The following RND3 variants were observed in gnomAD, a reference collection of about 807,000 sequenced individuals.
RND3 encodes the protein Rho family GTPase 3.
A neutral mutation model predicts 26.5 loss-of-function variants in RND3; 8 were observed. That is an observed-to-expected ratio of 0.30 (90% CI 0.18 to 0.54). The LOEUF is 0.54. Ranked by LOEUF, RND3 falls within the 20% of genes least tolerant of loss-of-function variation. RND3 has a pLI of 0.94. For synonymous variants in RND3, 113 were observed against 113.0 expected (o/e 1.00, Z 0.00); for missense variants, 207 against 302.8 (o/e 0.68, Z 2.35).
Position 150,487,464 on chromosome 2 carries a change from GAAAAAAA to G in RND3, c.-38-16_-38-10del, listed in dbSNP as rs71422244. On this transcript the variant is annotated splice_polypyrimidine_tract_variant and intron_variant, in intron 1 of 5. Coordinates refer to ENST00000263895, the MANE Select transcript of RND3 (RefSeq NM_005168.5). ...TGGAACAGGAATTTTCTCTTAAGAA[GAAAAAAA>G]AAAATATATATATATATATATATTT... is the stretch of plus-strand genomic sequence containing the variant. The G allele has an allele frequency of 3.5e-6, 1 of 288,036 alleles. No individual in the cohort carries two copies. The allele number at this position is 288,036 out of a possible 1,614,324, so 17.8% of individuals were successfully genotyped here.
chr2:150,469,902 G>T lies in RND3; in HGVS notation c.*85C>A. 3 of 1,499,924 alleles carry T rather than the reference G, an allele frequency of 2.0e-6. No homozygotes were observed. Among genetic ancestry groups the T allele is most frequent in the Non-Finnish European group, 1.8e-6 (2 of 1,096,062 alleles). The allele number at this position is 1,499,924 out of a possible 1,614,324, so 92.9% of individuals were successfully genotyped here. A position where few individuals can be genotyped will look rare whatever the true frequency, so the allele number is the denominator to read the frequency against. On this transcript the variant is annotated 3_prime_UTR_variant, in exon 6 of 6. Coordinates refer to ENST00000263895, the MANE Select transcript of RND3 (RefSeq NM_005168.5). ...GCCTCTGGTATACATGACTTTGGCTGTGCACTTCATTTAGACTTCACCTTT... is the reference window on the plus strand; with the variant it reads ...GCCTCTGGTATACATGACTTTGGCTTTGCACTTCATTTAGACTTCACCTTT...
At chr2:150,485,835 G>A (rs565160276) in intron 3 of RND3, among the ~76,000 whole-genome samples, 44 of 152,284 alleles carry the variant, frequency 2.9e-4, no homozygotes, top group Non-Finnish European at 4.4e-4. Context: ...AGGTGGGTGG[G>A]CGCATGGGAA....
At position 150,468,243 on chromosome 2, in the gene RND3, G is replaced by A. The variant is rs1282796906; in HGVS notation, c.*1744C>T. ...TTTTATTTGAAGAAAAAAAAAGTAT[G>A]TTTTAATAAATACTGCGGAAACATT... On this transcript the variant is annotated 3_prime_UTR_variant, in exon 6 of 6. Coordinates refer to ENST00000263895, the MANE Select transcript of RND3 (RefSeq NM_005168.5). The A allele has an allele frequency of 1.3e-5, 2 of 152,484 alleles. No homozygotes were observed. Among genetic ancestry groups the A allele is most frequent in the Middle Eastern group, 3.4e-3 (1 of 292 alleles). 9.4% of individuals were successfully genotyped at this position (152,484 alleles called of 1,614,324 possible). A position where few individuals can be genotyped will look rare whatever the true frequency, so the allele number is the denominator to read the frequency against.
chr2:150,485,739 CT>C (rs1387917901), intron 3 of RND3, among the ~76,000 whole-genome samples: 2 of 152,162 alleles, frequency 1.3e-5, no homozygotes, highest in Non-Finnish European at 2.9e-5. Context: ...GGCCTTTGAC[CT>C]GGCCTAAACC....
rs75547451 is a variant in RND3 at position 150,477,388 on chromosome 2, G to A, written c.239-2404C>T. ...TCCAAATAAAAAAATTAGGAAAAGC[G>A]ATTGAAGAAATACAAAGAGGATAAA... On this transcript the variant is annotated intron_variant, in intron 3 of 5. Coordinates refer to ENST00000263895, the MANE Select transcript of RND3 (RefSeq NM_005168.5). Among the ~76,000 whole-genome samples, 942 of 152,294 alleles carry A rather than the reference G, an allele frequency of 6.2e-3. 8 individuals are homozygous for A. The highest frequency in any genetic ancestry group is 0.021 in the African/African-American group (892 of 41,562).
rs761073403 is a variant in RND3, at chr2:150,487,409, C to T, written c.9G>A (p.Glu3=). MK[E]RRASQKLSSK... is the part of the protein sequence containing the mutation. ...TGGATAATTTCTGGCTGGCTCTTCTCTCCTTCATTGATGTTGCCTTATTTT... is the reference window on the plus strand; with the variant it reads ...TGGATAATTTCTGGCTGGCTCTTCTTTCCTTCATTGATGTTGCCTTATTTT... Residue 3 remains glutamate, a synonymous_variant, in exon 2 of 6, where the codon GAG becomes GAA. Transcript: ENST00000263895. 5.3e-6 allele frequency: 8 copies of T among 1,507,546 alleles called. No individual in the cohort carries two copies. The highest frequency in any genetic ancestry group is 1.8e-4 in the Middle Eastern group (1 of 5,634). 93.4% of individuals were successfully genotyped at this position (1,507,546 alleles called of 1,614,324 possible). A position where few individuals can be genotyped will look rare whatever the true frequency, so the allele number is the denominator to read the frequency against.
At chr2:150,472,475 A>G (rs1398461309) in intron 4 of RND3, among the ~76,000 whole-genome samples, 1 of 152,188 alleles carries the variant, frequency 6.6e-6, no homozygotes, top group Non-Finnish European at 1.5e-5. Context: ...TCATGATCTA[A>G]CAAGAATTAT....
chr2:150,471,020 G>A (rs1016110531), intron 5 of RND3, among the ~76,000 whole-genome samples: 32 of 152,172 alleles, frequency 2.1e-4, no homozygotes, highest in African/African-American at 7.2e-4. Flanking sequence ...TACCACCAAC[G>A]TACACAACAA....
At chr2:150,471,261 T>A (rs568456064) in intron 5 of RND3, among the ~76,000 whole-genome samples, 1 of 152,328 alleles carries the variant, frequency 6.6e-6, no homozygotes, top group African/African-American at 2.4e-5. Flanking sequence ...AAATGAAGAC[T>A]CTCTGAAAGA....
At position 150,487,461 on chromosome 2, in the gene RND3, G is replaced by GAAAA. The variant is rs773798679; in HGVS notation, c.-38-7_-38-6insTTTT. The GAAAA allele has an allele frequency of 1.7e-6, 1 of 596,488 alleles. No homozygotes were observed. Among genetic ancestry groups the GAAAA allele is most frequent in the Non-Finnish European group, 2.2e-6 (1 of 445,938 alleles). 36.9% of individuals were successfully genotyped at this position (596,488 alleles called of 1,614,324 possible). ...TCTTGGAACAGGAATTTTCTCTTAAGAAGAAAAAAAAAAATATATATATAT... is the reference window on the plus strand; with the variant it reads ...TCTTGGAACAGGAATTTTCTCTTAAGAAAAAAGAAAAAAAAAAATATATATATAT... On this transcript the variant is annotated splice_region_variant and splice_polypyrimidine_tract_variant and intron_variant, in intron 1 of 5. Transcript: ENST00000263895.
intron 3 of RND3, among the ~76,000 whole-genome samples, chr2:150,475,530 C>G (rs1686149520): frequency 6.6e-6 from 1 of 152,154 alleles, no homozygotes; most frequent in Non-Finnish European, 1.5e-5. Context: ...ATAAACTGAA[C>G]TACTTCTTGG....
chr2:150,471,154 C>G (rs1483916215), intron 5 of RND3, among the ~76,000 whole-genome samples: 4 of 152,104 alleles, frequency 2.6e-5, no homozygotes, highest in African/African-American at 9.7e-5. Context: ...TTTGGTATTT[C>G]AACATGAACT....
chr2:150,478,135 C>T (rs1277895783), intron 3 of RND3, among the ~76,000 whole-genome samples: 1 of 151,636 alleles, frequency 6.6e-6, no homozygotes, highest in South Asian at 2.1e-4. Flanking sequence ...ATAGAATTAT[C>T]AAGAACTGTC....
At chr2:150,470,532 C>T (rs1267201817) in intron 5 of RND3, among the ~76,000 whole-genome samples, 1 of 152,062 alleles carries the variant, frequency 6.6e-6, no homozygotes, top group African/African-American at 2.4e-5. Context: ...CAAAGGAAGA[C>T]CCTGGTTATC....
rs1340435046 is a variant in RND3 at position 150,487,168 on chromosome 2, T to C, written c.150+100A>G. On this transcript the variant is annotated intron_variant, in intron 2 of 5. Transcript: ENST00000263895. ...GAAAGACTTTTTTTTTTCTTTTTTTTTTTTTTTAAGGGAAAACGGATGAAA... is the reference window on the plus strand; with the variant it reads ...GAAAGACTTTTTTTTTTCTTTTTTTCTTTTTTTAAGGGAAAACGGATGAAA... The C allele has an allele frequency of 5.7e-5, 51 of 897,220 alleles. 1 individual carries two copies. In the African/African-American group the frequency reaches 6.9e-4, roughly 12 times the overall value. 55.6% of individuals were successfully genotyped at this position (897,220 alleles called of 1,614,324 possible).
intron 4 of RND3, among the ~76,000 whole-genome samples, chr2:150,473,196 T>G (rs935705297): frequency 9.9e-5 from 15 of 151,980 alleles, no homozygotes; most frequent in African/African-American, 3.4e-4. Flanking sequence ...ACCTCCTCTT[T>G]GATAGTGAAG....
At chr2:150,476,074 A>G (rs1330731011) in intron 3 of RND3, among the ~76,000 whole-genome samples, 1 of 152,248 alleles carries the variant, frequency 6.6e-6, no homozygotes. Context: ...CAAGCATCAC[A>G]TGAAAATGAT....
At chr2:150,473,136 T>G (rs1573952988) in intron 4 of RND3, among the ~76,000 whole-genome samples, 1 of 139,906 alleles carries the variant, frequency 7.1e-6, no homozygotes, top group African/African-American at 2.6e-5. Context: ...AAGTGGAAGG[T>G]GAACTGGAAA....
At chr2:150,480,591 T>G (rs1330085157) in intron 3 of RND3, among the ~76,000 whole-genome samples, 2 of 151,950 alleles carry the variant, frequency 1.3e-5, no homozygotes, top group Non-Finnish European at 2.9e-5. Context: ...CCAATTTGGA[T>G]GCTTCATTGA....
Sources: gnomAD v4.1 joint callset for allele counts (sites outside exome capture counted in the v4.1 genomes callset) on GRCh38, gnomAD v4.1.1 for gene constraint, MANE v1.5 for transcripts, NCBI Gene and HGNC (gene_info 2026-07-23, HGNC 2026-07-21) for gene names.